The following PTPRD variants were observed in gnomAD, a reference collection of about 807,000 sequenced individuals.
The protein encoded by PTPRD is receptor-type tyrosine-protein phosphatase delta.
In PTPRD, 34 loss-of-function variants were observed where a neutral mutation model predicts 214.5. The ratio of observed to expected loss-of-function variants is 0.16; its 90% CI spans 0.12 to 0.21. The LOEUF is 0.21. PTPRD is among the 10% of genes least tolerant of loss of function. The pLI, the probability that PTPRD is intolerant of heterozygous loss-of-function variation, is 1.00. For missense variants in PTPRD, 2,545 were observed against 2,398.7 expected, an observed-to-expected ratio of 1.06 and a Z score of -1.27; for synonymous variants, 1,128 against 845.7, an observed-to-expected ratio of 1.33 and a Z score of -5.79.
chr9:10,062,371 C>G (rs2097790129), intron 3 of PTPRD, among the ~76,000 whole-genome samples: 1 of 151,892 alleles, frequency 6.6e-6, no homozygotes, highest in South Asian at 2.1e-4. Context: ...TTTGGGAGGC[C>G]AAGGTGGGAG....
At chr9:10,358,209 A>G (rs2097312365) in intron 2 of PTPRD, among the ~76,000 whole-genome samples, 1 of 152,118 alleles carries the variant, frequency 6.6e-6, no homozygotes, top group Non-Finnish European at 1.5e-5. Flanking sequence ...ATGAGATTCT[A>G]CATAATGAAT....
At chr9:10,399,455 C>T (rs2098232901) in intron 2 of PTPRD, among the ~76,000 whole-genome samples, 1 of 151,888 alleles carries the variant, frequency 6.6e-6, no homozygotes, top group African/African-American at 2.4e-5. Flanking sequence ...TTATTTAATA[C>T]AACAAACACT....
In PTPRD at chr9:9,250,999, T is replaced by G. The variant is rs143933200; in HGVS notation, c.-202-67636A>C. On this transcript the variant is annotated intron_variant, in intron 9 of 45. Coordinates refer to ENST00000381196, the MANE Select transcript of PTPRD (RefSeq NM_002839.4). ...AACCAGCTTAAGAAATGTATTACAT[T>G]TGAAATTGACCCTCTTTTCCATTCC... Among the ~76,000 whole-genome samples the G allele has an allele frequency of 7.8e-4, 119 of 152,184 alleles. No individual in the cohort carries two copies. The Middle Eastern group carries it at 0.01, about 13-fold the overall frequency.
intron 2 of PTPRD, among the ~76,000 whole-genome samples, chr9:10,437,554 C>A (rs951888741): frequency 6.6e-6 from 1 of 151,742 alleles, no homozygotes; most frequent in African/African-American, 2.4e-5. Flanking sequence ...GATTACTCTT[C>A]AAACTTTGAG....
chr9:10,483,955 A>G (rs1163801277), intron 2 of PTPRD, among the ~76,000 whole-genome samples: 1 of 152,176 alleles, frequency 6.6e-6, no homozygotes, highest in Non-Finnish European at 1.5e-5. Flanking sequence ...AAATCATCAT[A>G]TCAAAAAACA....
At chr9:10,261,560 A>T (rs574441915) in intron 3 of PTPRD, among the ~76,000 whole-genome samples, 69 of 152,228 alleles carry the variant, frequency 4.5e-4, no homozygotes, top group African/African-American at 1.6e-3. Context: ...ATGTATAGAG[A>T]GAGTTGGCAT....
intron 9 of PTPRD, among the ~76,000 whole-genome samples, chr9:9,388,434 T>C (rs1343002325): frequency 2.0e-5 from 3 of 152,170 alleles, no homozygotes; most frequent in Non-Finnish European, 4.4e-5. Context: ...CCAGCACTAA[T>C]GTATCAATAT....
chr9:8,529,343 C>A (rs1444445740), intron 14 of PTPRD, among the ~76,000 whole-genome samples: 1 of 152,050 alleles, frequency 6.6e-6, no homozygotes, highest in Non-Finnish European at 1.5e-5. Context: ...TTTTCCCTCA[C>A]AAGTATAAGG....
chr9:9,422,916 C>T lies in PTPRD; in HGVS notation c.-236-25434G>A, dbSNP rs922173549. Among the ~76,000 whole-genome samples, 8 of 152,034 alleles carry T rather than the reference C, an allele frequency of 5.3e-5. No individual in the cohort carries two copies. The East Asian group carries it at 1.4e-3, about 26-fold the overall frequency. ...TGGCACCTTTAAGTTGTTACAGACA[C>T]AAAAATTAGATTTGAGAGCCCATAA... On this transcript the variant is annotated intron_variant, in intron 8 of 45. Coordinates refer to ENST00000381196, the MANE Select transcript of PTPRD (RefSeq NM_002839.4).
intron 11 of PTPRD, among the ~76,000 whole-genome samples, chr9:8,828,650 G>A (rs183485158): frequency 2.0e-5 from 3 of 152,278 alleles, no homozygotes; most frequent in East Asian, 1.9e-4. Context: ...ACCAGGTTCT[G>A]TAGCAGTTGA....
At chr9:8,745,082 C>T (rs577526957) in intron 11 of PTPRD, among the ~76,000 whole-genome samples, 1 of 152,220 alleles carries the variant, frequency 6.6e-6, no homozygotes, top group African/African-American at 2.4e-5. Flanking sequence ...TGTTAGTGCC[C>T]TCTTCACATC....
At chr9:10,276,816 G>C (rs974294885) in intron 3 of PTPRD, among the ~76,000 whole-genome samples, 4 of 152,200 alleles carry the variant, frequency 2.6e-5, no homozygotes, top group Non-Finnish European at 2.9e-5. Context: ...TTAGAGGTGA[G>C]AAAAGCCAAC....
intron 31 of PTPRD, among the ~76,000 whole-genome samples, 160 bp from the exon 32 acceptor site, chr9:8,465,835 A>G (rs945667269): frequency 6.6e-6 from 1 of 151,916 alleles, no homozygotes; most frequent in African/African-American, 2.4e-5. Flanking sequence ...AGTTCTCTCA[A>G]TATTTCAAAT....
At chr9:10,055,479 T>C (rs754471579) in intron 3 of PTPRD, among the ~76,000 whole-genome samples, 2 of 152,112 alleles carry the variant, frequency 1.3e-5, no homozygotes, top group Non-Finnish European at 2.9e-5. Flanking sequence ...AAACTGAGAC[T>C]TGGAAACTCA....
At chr9:8,657,836 T>C (rs1245372836) in intron 12 of PTPRD, among the ~76,000 whole-genome samples, 3 of 152,204 alleles carry the variant, frequency 2.0e-5, no homozygotes, top group African/African-American at 7.2e-5. Context: ...TAAAAGTCTA[T>C]CTAACTAAAC....
chr9:8,392,278 A>C (rs1421637125), intron 36 of PTPRD, among the ~76,000 whole-genome samples: 1 of 151,958 alleles, frequency 6.6e-6, no homozygotes, highest in African/African-American at 2.4e-5. Flanking sequence ...TAATTCCGAC[A>C]CTTTGGGGAG....
chr9:9,462,152 G>T (rs1222672545), intron 8 of PTPRD, among the ~76,000 whole-genome samples: 1 of 152,048 alleles, frequency 6.6e-6, no homozygotes, highest in Non-Finnish European at 1.5e-5. Flanking sequence ...GAATTAAAAA[G>T]TATGAGTGAG....
intron 39 of PTPRD, among the ~76,000 whole-genome samples, chr9:8,365,011 T>G (rs1477909476): frequency 6.6e-6 from 1 of 152,120 alleles, no homozygotes; most frequent in Non-Finnish European, 1.5e-5. Context: ...AACAAAATTT[T>G]AAGGACCATA....
intron 3 of PTPRD, among the ~76,000 whole-genome samples, chr9:10,119,373 T>A (rs2098756975): frequency 6.6e-6 from 1 of 152,078 alleles, no homozygotes; most frequent in Admixed American, 6.6e-5. Context: ...GTACACTGGA[T>A]TGATCACATC....
Sources: gnomAD v4.1 joint callset for allele counts (sites outside exome capture counted in the v4.1 genomes callset) on GRCh38, gnomAD v4.1.1 for gene constraint, MANE v1.5 for transcripts, NCBI Gene and HGNC (gene_info 2026-07-23, HGNC 2026-07-21) for gene names.